Variants in GSE1 observed in about 807,000 individuals in gnomAD.
GSE1 encodes the protein Gse1 coiled-coil protein, also known as genetic suppressor element 1.
Under a neutral mutation model 112.6 loss-of-function variants are expected in GSE1, and 32 were observed. The observed-to-expected ratio is 0.28, with a 90% confidence interval of 0.21 to 0.38. The LOEUF is 0.38. GSE1 is among the 10% of genes least tolerant of loss of function. The probability of loss-of-function intolerance (pLI) is 1.00; values close to 1 mark genes in which losing one functional copy is unlikely to be tolerated. For missense variants in GSE1, 2,348 were observed against 1,699.2 expected, an observed-to-expected ratio of 1.38 and a Z score of -6.71; for synonymous variants, 1,115 against 735.6, an observed-to-expected ratio of 1.52 and a Z score of -8.35.
intron 2 of GSE1, among the ~76,000 whole-genome samples, chr16:85,475,362 C>G (rs1174767497): frequency 6.6e-6 from 1 of 152,194 alleles, no homozygotes; most frequent in Non-Finnish European, 1.5e-5. Flanking sequence ...TGGGACATCA[C>G]CAGCCCATAG....
intron 2 of GSE1, among the ~76,000 whole-genome samples, chr16:85,472,300 G>T (rs1036801864): frequency 6.6e-6 from 1 of 152,194 alleles, no homozygotes; most frequent in African/African-American, 2.4e-5. Flanking sequence ...GCGCAGGGCT[G>T]TGCTCCCTCT....
chr16:85,492,563 C>A (rs942928550), intron 2 of GSE1, among the ~76,000 whole-genome samples: 1 of 152,356 alleles, frequency 6.6e-6, no homozygotes, highest in East Asian at 1.9e-4. Context: ...CATATCACCA[C>A]TTTACAGATG....
At chr16:85,254,759 G>A (rs959943566) in intron 1 of GSE1, among the ~76,000 whole-genome samples, 5 of 152,236 alleles carry the variant, frequency 3.3e-5, no homozygotes, top group African/African-American at 1.2e-4. Flanking sequence ...GAAACCTGAA[G>A]GGAAGGACGC....
intron 1 of GSE1, among the ~76,000 whole-genome samples, chr16:85,203,432 C>T (rs999178064): frequency 2.0e-5 from 3 of 152,160 alleles, no homozygotes; most frequent in African/African-American, 7.2e-5. Flanking sequence ...GAGGACAGCA[C>T]GTGGGACACG....
intron 1 of GSE1, among the ~76,000 whole-genome samples, chr16:85,245,393 G>A (rs1401925795): frequency 1.3e-5 from 2 of 152,138 alleles, no homozygotes; most frequent in African/African-American, 4.8e-5. Flanking sequence ...TGCTGTGTGT[G>A]GACGTCATGC....
intron 1 of GSE1, among the ~76,000 whole-genome samples, chr16:85,211,377 A>G (rs1007426692): frequency 4.0e-5 from 6 of 150,802 alleles, no homozygotes; most frequent in African/African-American, 1.5e-4. Flanking sequence ...AGCCACTGGC[A>G]TGCAGGGCGG....
intron 2 of GSE1, among the ~76,000 whole-genome samples, chr16:85,456,355 G>A (rs923623146): frequency 1.3e-5 from 2 of 152,152 alleles, no homozygotes; most frequent in Admixed American, 6.5e-5. Context: ...GCGCTTGGAG[G>A]TGGGACCCTT....
intron 1 of GSE1, among the ~76,000 whole-genome samples, chr16:85,356,569 G>A (rs549527173): frequency 8.5e-5 from 13 of 152,348 alleles, no homozygotes; most frequent in African/African-American, 2.9e-4. Flanking sequence ...CCACCAGGAC[G>A]TGCACCAAAC....
chr16:85,317,125 G>A (rs1373248180), intron 1 of GSE1, among the ~76,000 whole-genome samples: 2 of 152,204 alleles, frequency 1.3e-5, no homozygotes, highest in Non-Finnish European at 2.9e-5. Flanking sequence ...CCTGTTGTGT[G>A]CTGGGCAGGC....
At chr16:85,669,368 C>T (rs1431653924) in intron 14 of GSE1, among the ~76,000 whole-genome samples, 2 of 152,246 alleles carry the variant, frequency 1.3e-5, no homozygotes, top group East Asian at 1.9e-4. Context: ...TTATGAATGT[C>T]AGCCACTTCA....
intron 2 of GSE1, among the ~76,000 whole-genome samples, chr16:85,416,492 C>T (rs565196147): frequency 3.9e-5 from 6 of 152,124 alleles, no homozygotes; most frequent in Admixed American, 1.3e-4. Context: ...AGCTCCTTCC[C>T]GGAAGGAGGT....
At chr16:85,317,643 A>G (rs1259991698) in intron 1 of GSE1, among the ~76,000 whole-genome samples, 1 of 152,054 alleles carries the variant, frequency 6.6e-6, no homozygotes, top group African/African-American at 2.4e-5. Context: ...ACTGGTGGGC[A>G]TCCATGCGCC....
chr16:85,458,718 A>C (rs1449923006), intron 2 of GSE1, among the ~76,000 whole-genome samples: 1 of 152,150 alleles, frequency 6.6e-6, no homozygotes. Context: ...CTAAATGAGA[A>C]ACGCTGGGTG....
chr16:85,403,715 T>A (rs913968489), intron 2 of GSE1, among the ~76,000 whole-genome samples: 6 of 152,026 alleles, frequency 3.9e-5, no homozygotes, highest in Non-Finnish European at 8.8e-5. Context: ...GACGGGAGGA[T>A]CGCTTGAGCC....
intron 1 of GSE1, among the ~76,000 whole-genome samples, chr16:85,211,161 A>T (rs956048135): frequency 6.6e-6 from 1 of 152,116 alleles, no homozygotes; most frequent in Admixed American, 6.5e-5. Context: ...TTAGGTTTGG[A>T]TCCCGACACC....
Position 85,668,135 on chromosome 16 carries a change from C to T in GSE1, c.3131-5C>T, listed in dbSNP as rs774173050. The stretch of plus-strand genomic sequence containing the variant: ...ACACTGATGCAAGCCCTGTCCCCTC[C>T]ACAGGGAGCGTGGCTGTGCTGTCTG... On this transcript the variant is annotated splice_polypyrimidine_tract_variant and splice_region_variant and intron_variant, in intron 13 of 15. Transcript: ENST00000253458. 1.3e-6 allele frequency: 2 copies of T among 1,562,220 alleles called. No individual in the cohort carries two copies. The highest frequency in any genetic ancestry group is 1.7e-6 in the Non-Finnish European group (2 of 1,150,302).
chr16:85,474,272 C>T (rs573301332), intron 2 of GSE1, among the ~76,000 whole-genome samples: 1 of 152,072 alleles, frequency 6.6e-6, no homozygotes, highest in Non-Finnish European at 1.5e-5. Context: ...AGCCTCCACC[C>T]CGCCGGCCCG....
chr16:85,439,558 A>ACC (rs2049328464), intron 2 of GSE1, among the ~76,000 whole-genome samples: 2 of 145,284 alleles, frequency 1.4e-5, no homozygotes, highest in African/African-American at 5.0e-5. Flanking sequence ...ACACACACAC[A>ACC]CCCCAGGCGT....
At chr16:85,558,971 C>T (rs926538042) in intron 1 of GSE1, among the ~76,000 whole-genome samples, 1 of 152,174 alleles carries the variant, frequency 6.6e-6, no homozygotes, top group Non-Finnish European at 1.5e-5. Flanking sequence ...GGTTCTCCTG[C>T]CTCAGCCTCC....
Sources: allele counts gnomAD v4.1 joint callset (sites outside exome capture counted in the v4.1 genomes callset), GRCh38; gene constraint gnomAD v4.1.1; transcripts MANE v1.5; gene names NCBI Gene and HGNC (gene_info 2026-07-23, HGNC 2026-07-21).